The following SDK2 variants were observed in gnomAD, a reference collection of about 807,000 sequenced individuals.
SDK2 encodes the protein protein sidekick-2.
Under a neutral mutation model 253.9 loss-of-function variants are expected in SDK2, and 105 were observed. That is an observed-to-expected ratio of 0.41 (90% CI 0.35 to 0.49). SDK2 has a LOEUF of 0.49. SDK2 is among the 20% of genes least tolerant of loss of function. SDK2 has a pLI of 0.06. For missense variants in SDK2, 2,608 were observed against 3,003.0 expected (o/e 0.87, Z 3.07); for synonymous variants, 1,249 against 1,234.9 (o/e 1.01, Z -0.24).
At chr17:73,400,342 C>T (rs112690758) in intron 21 of SDK2, among the ~76,000 whole-genome samples, 12 of 152,200 alleles carry the variant, frequency 7.9e-5, no homozygotes, top group Non-Finnish European at 1.2e-4. Flanking sequence ...CCCTTCCACA[C>T]GCTGGAATCC....
intron 39 of SDK2, among the ~76,000 whole-genome samples, chr17:73,358,950 G>A (rs1392449581): frequency 6.6e-6 from 1 of 152,042 alleles, no homozygotes; most frequent in African/African-American, 2.4e-5. Flanking sequence ...GAGCAGATGA[G>A]AGGAGGTGAC....
chr17:73,553,517 T>C (rs985780321), intron 1 of SDK2, among the ~76,000 whole-genome samples: 1 of 152,076 alleles, frequency 6.6e-6, no homozygotes, highest in Non-Finnish European at 1.5e-5. Context: ...ATTCCTATGA[T>C]GGTGTTTCCT....
In SDK2 at chr17:73,414,743, C is replaced by T. The variant is rs200600787; in HGVS notation, c.2385G>A (p.Pro795=). 209 of 1,613,248 alleles carry T rather than the reference C, an allele frequency of 1.3e-4. No homozygotes were observed. Among genetic ancestry groups the T allele is most frequent in the Middle Eastern group, 8.3e-4 (5 of 6,056 alleles). Residue 795 remains proline (P), a synonymous_variant, in exon 18 of 45, where the codon CCG becomes CCA. Transcript: ENST00000392650. ...WTLQGVPTVP[P]GNVHAEATNS... ...TGGTGGCTTCCGCGTGCACATTGCC[C>T]GGAGGGACCGTGGGAACTAGAGGAG...
chr17:73,394,387 T>G (rs1555758497), intron 25 of SDK2, 63 bp from the exon 26 acceptor site: 1 of 1,145,384 alleles, frequency 8.7e-7, no homozygotes, highest in Non-Finnish European at 1.2e-6. Context: ...GCAAGGGAAG[T>G]GGACCAGGAC....
intron 3 of SDK2, among the ~76,000 whole-genome samples, chr17:73,462,225 A>G (rs949553168): frequency 1.3e-5 from 2 of 151,436 alleles, no homozygotes; most frequent in African/African-American, 4.9e-5. Context: ...ATGGTGGGAT[A>G]GATGGTTGTA....
chr17:73,362,464 C>T (rs1444144950), intron 38 of SDK2, among the ~76,000 whole-genome samples: 21 of 151,434 alleles, frequency 1.4e-4, no homozygotes, highest in Admixed American at 1.4e-3. Context: ...AATCATGGCT[C>T]ACTGTAGCCT....
At position 73,335,095 on chromosome 17, in the gene SDK2, G is replaced by C. The variant is rs1477628043; in HGVS notation, c.*3492C>G. The stretch of plus-strand genomic sequence containing the variant: ...AGGTTTGGGGGTAGGAGTTTTGGGG[G>C]CCGGGGGGTGAGGGATGGACAGAAG... On this transcript the variant is annotated 3_prime_UTR_variant, in exon 45 of 45. Transcript: ENST00000392650. The C allele has an allele frequency of 2.0e-5, 3 of 152,454 alleles. No individual in the cohort carries two copies. The highest frequency in any genetic ancestry group is 2.9e-5 in the Non-Finnish European group (2 of 68,268). The allele number at this position is 152,454 out of a possible 1,614,324, so 9.4% of individuals were successfully genotyped here. A position where few individuals can be genotyped will look rare whatever the true frequency, so the allele number is the denominator to read the frequency against.
rs553479305 is a variant in SDK2 at position 73,439,426 on chromosome 17, C to A, written c.726-1272G>T. 2.2e-3 allele frequency among the ~76,000 whole-genome samples: 334 copies of A among 152,186 alleles called. 1 individual carries two copies. Among genetic ancestry groups the A allele is most frequent in the Non-Finnish European group, 3.6e-3 (244 of 68,000 alleles). The stretch of plus-strand genomic sequence containing the variant: ...TTAGAAATGCTGCCAAAAATAACAA[C>A]AACAACAAAAAAGGCTGGACACGGT... On this transcript the variant is annotated intron_variant, in intron 6 of 44. Transcript: ENST00000392650.
intron 39 of SDK2, 116 bp from the exon 40 acceptor site, chr17:73,358,320 G>A (rs566969350): frequency 2.5e-5 from 33 of 1,326,330 alleles, no homozygotes; most frequent in East Asian, 7.5e-5. Context: ...ACAGAGAGCC[G>A]CCAGGAAGCC....
At chr17:73,356,592 A>G (rs2062593845) in intron 40 of SDK2, among the ~76,000 whole-genome samples, 2 of 152,310 alleles carry the variant, frequency 1.3e-5, no homozygotes, top group Admixed American at 1.3e-4. Flanking sequence ...GGAGCACAGA[A>G]GAAGGGGCAG....
intron 39 of SDK2, among the ~76,000 whole-genome samples, chr17:73,358,815 G>A (rs538054985): frequency 2.2e-4 from 33 of 152,108 alleles, no homozygotes; most frequent in Non-Finnish European, 2.9e-4. Flanking sequence ...GCCCCAGGAG[G>A]CCTTGGGGCC....
chr17:73,460,498 G>C (rs2063556506), intron 3 of SDK2, among the ~76,000 whole-genome samples: 1 of 152,166 alleles, frequency 6.6e-6, no homozygotes, highest in African/African-American at 2.4e-5. Flanking sequence ...TTGTTACATA[G>C]CCATAGAAAC....
At position 73,435,358 on chromosome 17, in the gene SDK2, C is replaced by A; in HGVS notation, c.1195+92G>T. On this transcript the variant is annotated intron_variant, in intron 9 of 44. Transcript: ENST00000392650. The surrounding 1 kb of genome is among the most constrained non-coding windows in gnomAD (Gnocchi z 5.7). ...GATCCTATCTGCTTAATGGAACGTG[C>A]TATGCACAAGAGGCCCCTCGGAAGA... 1 of 1,273,614 alleles carries A rather than the reference C, an allele frequency of 7.9e-7. No homozygotes were observed. Among genetic ancestry groups the A allele is most frequent in the Non-Finnish European group, 1.1e-6 (1 of 928,004 alleles). The allele number at this position is 1,273,614 out of a possible 1,614,324, so 78.9% of individuals were successfully genotyped here.
intron 4 of SDK2, among the ~76,000 whole-genome samples, chr17:73,450,510 T>C (rs2063483384): frequency 6.6e-6 from 1 of 152,096 alleles, no homozygotes; most frequent in African/African-American, 2.4e-5. Flanking sequence ...TCCATGACTA[T>C]CATAGAAGCA....
intron 1 of SDK2, among the ~76,000 whole-genome samples, chr17:73,605,555 A>G (rs753438458): frequency 4.1e-4 from 63 of 152,206 alleles, no homozygotes; most frequent in Non-Finnish European, 3.4e-4. Flanking sequence ...ATAATGACCC[A>G]TAACTCCTGT....
Position 73,388,018 on chromosome 17 carries a change from G to A in SDK2, c.4212C>T (p.Ser1404=), listed in dbSNP as rs866613394. The change falls in exon 30 of 45, where the codon AGC becomes AGT. Residue 1404 remains serine (S), a synonymous_variant. Coordinates refer to ENST00000392650, the MANE Select transcript of SDK2 (RefSeq NM_001144952.2). ...CATCCTCCTGCTGCACCATCGGCCT[G>A]CTGGGGGGCTGCGGACGGTCTGGGA... The part of the protein sequence containing the change: ...TEKRDRPQPP[S]RPMVQQEDVR... The A allele has an allele frequency of 6.4e-7, 1 of 1,567,624 alleles. No individual in the cohort carries two copies.
At chr17:73,498,880 G>C (rs1286828012) in intron 2 of SDK2, among the ~76,000 whole-genome samples, 2 of 152,234 alleles carry the variant, frequency 1.3e-5, no homozygotes, top group Non-Finnish European at 2.9e-5. Context: ...GAGGGACGCA[G>C]GCTTGGGGTC....
At chr17:73,641,278 C>T (rs1317039892) in intron 1 of SDK2, 1 of 152,206 alleles carries the variant, frequency 6.6e-6, no homozygotes, top group Non-Finnish European at 1.5e-5. Flanking sequence ...TGGGGCCCTG[C>T]CCCTGGAATA....
At chr17:73,563,357 T>C (rs2045266547) in intron 1 of SDK2, among the ~76,000 whole-genome samples, 1 of 152,176 alleles carries the variant, frequency 6.6e-6, no homozygotes, top group African/African-American at 2.4e-5. Context: ...GAGAATCGCT[T>C]GAGGCCAAGA....
Sources: allele counts gnomAD v4.1 joint callset (sites outside exome capture counted in the v4.1 genomes callset), GRCh38; gene constraint gnomAD v4.1.1; non-coding constraint Gnocchi (gnomAD v3.1); transcripts MANE v1.5; gene names NCBI Gene and HGNC (gene_info 2026-07-23, HGNC 2026-07-21).